The following AGBL4 variants were observed in gnomAD, a reference collection of about 807,000 sequenced individuals.
AGBL4 encodes AGBL carboxypeptidase 4, also known as cytosolic carboxypeptidase 6.
AGBL4 carries 58 observed loss-of-function variants against 66.4 expected under a neutral mutation model. The ratio of observed to expected loss-of-function variants is 0.87; its 90% CI spans 0.71 to 1.09. The LOEUF is 1.09. AGBL4 is among the 50% of genes least tolerant of loss of function. The pLI is 0.00. For missense variants in AGBL4, 579 were observed against 631.0 expected, an observed-to-expected ratio of 0.92 and a Z score of 0.88; for synonymous variants, 234 against 222.9, an observed-to-expected ratio of 1.05 and a Z score of -0.44.
chr1:48,913,145 C>T (rs1653288532), intron 5 of AGBL4, among the ~76,000 whole-genome samples: 1 of 152,130 alleles, frequency 6.6e-6, no homozygotes, highest in Non-Finnish European at 1.5e-5. Context: ...CATGCAAGAC[C>T]TTGGAAGCCA....
intron 3 of AGBL4, among the ~76,000 whole-genome samples, chr1:49,466,814 A>G (rs923911148): frequency 6.6e-6 from 1 of 151,808 alleles, no homozygotes; most frequent in African/African-American, 2.4e-5. Context: ...TGTAATTAAA[A>G]TATATCACTG....
chr1:49,471,823 AC>A (rs1646751686), intron 3 of AGBL4, among the ~76,000 whole-genome samples: 1 of 152,022 alleles, frequency 6.6e-6, no homozygotes, highest in Non-Finnish European at 1.5e-5. Context: ...AGTTGTCTAG[AC>A]TTTCACCCTC....
At chr1:48,676,436 C>A (rs528840123) in intron 6 of AGBL4, among the ~76,000 whole-genome samples, 1 of 152,392 alleles carries the variant, frequency 6.6e-6, no homozygotes, top group African/African-American at 2.4e-5. Flanking sequence ...TACTTCACTT[C>A]TCTGTGCTTC....
intron 9 of AGBL4, among the ~76,000 whole-genome samples, chr1:48,618,198 G>C (rs2148391708): frequency 6.6e-6 from 1 of 152,294 alleles, no homozygotes; most frequent in East Asian, 1.9e-4. Flanking sequence ...GTGGGACCTT[G>C]TCTCTTAAAA....
chr1:50,021,457 C>G (rs920139366), intron 1 of AGBL4, among the ~76,000 whole-genome samples: 3 of 152,182 alleles, frequency 2.0e-5, no homozygotes, highest in African/African-American at 7.2e-5. Flanking sequence ...TTATCTAAAA[C>G]CAAATTAATG....
chr1:49,182,977 C>T (rs909548699), intron 4 of AGBL4, among the ~76,000 whole-genome samples: 2 of 152,120 alleles, frequency 1.3e-5, no homozygotes, highest in Non-Finnish European at 2.9e-5. Flanking sequence ...GTAATAAGTG[C>T]TAATAAGTGA....
chr1:48,625,138 T>TTCCTTCCTTCCTTCCA (rs1645482438), intron 9 of AGBL4, among the ~76,000 whole-genome samples: 1 of 132,112 alleles, frequency 7.6e-6, no homozygotes, highest in African/African-American at 2.6e-5. Flanking sequence ...CCTTCCTTCC[T>TTCCTTCCTTCCTTCCA]TCCTTTCTCT....
intron 1 of AGBL4, among the ~76,000 whole-genome samples, chr1:49,950,028 G>GTATATATATATACATA (rs1354723912): frequency 2.2e-4 from 31 of 139,004 alleles, no homozygotes; most frequent in South Asian, 2.3e-4. Context: ...ATATGTGTGT[G>GTATATATATATACATA]TGTGTATATA....
chr1:48,847,497 C>T (rs549714331), intron 6 of AGBL4, among the ~76,000 whole-genome samples: 1 of 151,752 alleles, frequency 6.6e-6, no homozygotes, highest in Admixed American at 6.5e-5. Context: ...AATCACACAA[C>T]CTAAATCTTA....
At chr1:48,726,387 T>C (rs1280366843) in intron 6 of AGBL4, among the ~76,000 whole-genome samples, 5 of 152,196 alleles carry the variant, frequency 3.3e-5, no homozygotes, top group Admixed American at 2.6e-4. Context: ...ACACAACTCA[T>C]GCCTGAGCTT....
chr1:48,931,049 TATG>T (rs750103105), intron 5 of AGBL4, among the ~76,000 whole-genome samples: 31 of 152,234 alleles, frequency 2.0e-4, no homozygotes, highest in Non-Finnish European at 4.3e-4. Context: ...CTGTATTTTT[TATG>T]ATAACAAAAT....
intron 6 of AGBL4, among the ~76,000 whole-genome samples, chr1:48,722,680 C>T (rs1557904342): frequency 6.6e-6 from 1 of 152,166 alleles, no homozygotes; most frequent in Non-Finnish European, 1.5e-5. Context: ...ATTTCCCTCA[C>T]CACATACTGT....
chr1:49,873,901 T>C (rs1425367258), intron 1 of AGBL4, among the ~76,000 whole-genome samples: 2 of 152,080 alleles, frequency 1.3e-5, no homozygotes, highest in African/African-American at 4.8e-5. Flanking sequence ...GTAAAATTTA[T>C]ATGGGAACTC....
At chr1:48,637,976 A>G (rs1044813186) in intron 8 of AGBL4, among the ~76,000 whole-genome samples, 1 of 152,190 alleles carries the variant, frequency 6.6e-6, no homozygotes, top group South Asian at 2.1e-4. Flanking sequence ...AGAAAGGTAC[A>G]TTACCCTTGA....
intron 2 of AGBL4, among the ~76,000 whole-genome samples, chr1:49,832,047 C>A (rs930373422): frequency 1.3e-5 from 2 of 151,074 alleles, no homozygotes; most frequent in Non-Finnish European, 1.5e-5. Context: ...GCACAATGTG[C>A]AGGTTAGTTA....
At chr1:49,380,341 A>G (rs1028285196) in intron 3 of AGBL4, among the ~76,000 whole-genome samples, 6 of 152,172 alleles carry the variant, frequency 3.9e-5, no homozygotes, top group African/African-American at 1.4e-4. Context: ...AATGAAATAA[A>G]AGAGGATACA....
At chr1:48,777,749 A>C (rs933034664) in intron 6 of AGBL4, among the ~76,000 whole-genome samples, 47 of 152,042 alleles carry the variant, frequency 3.1e-4, no homozygotes, top group African/African-American at 1.1e-3. Flanking sequence ...TCTCCACAGC[A>C]CGCCCACCAC....
At chr1:49,577,443 T>C (rs578130295) in intron 3 of AGBL4, among the ~76,000 whole-genome samples, 1 of 152,268 alleles carries the variant, frequency 6.6e-6, no homozygotes, top group Non-Finnish European at 1.5e-5. Flanking sequence ...TACCTAACAC[T>C]TAATATGGCA....
At chr1:48,943,980 C>T (rs916406530) in intron 5 of AGBL4, among the ~76,000 whole-genome samples, 1 of 152,198 alleles carries the variant, frequency 6.6e-6, no homozygotes, top group Non-Finnish European at 1.5e-5. Flanking sequence ...GGTTAGATGG[C>T]ATCAGGCCTA....
Sources: allele counts gnomAD v4.1 joint callset (sites outside exome capture counted in the v4.1 genomes callset), GRCh38; gene constraint gnomAD v4.1.1; transcripts MANE v1.5; gene names NCBI Gene and HGNC (gene_info 2026-07-23, HGNC 2026-07-21).